A2ML1: variants seen among roughly 807,000 people sequenced by gnomAD.
The protein encoded by A2ML1 is alpha-2-macroglobulin-like protein 1.
Under a neutral mutation model 181.9 loss-of-function variants are expected in A2ML1, and 161 were observed. That is an observed-to-expected ratio of 0.89 (90% CI 0.78 to 1.01). The LOEUF (loss-of-function observed/expected upper bound fraction) is 1.01, where lower values mean the gene tolerates loss of function less well. Ranked by LOEUF, A2ML1 falls within the 50% of genes least tolerant of loss-of-function variation. The probability of loss-of-function intolerance (pLI) is 0.00; values close to 1 mark genes in which losing one functional copy is unlikely to be tolerated. For missense variants in A2ML1, 1,670 were observed against 1,768.1 expected (o/e 0.94, Z 1.00); for synonymous variants, 663 against 666.8 (o/e 0.99, Z 0.09).
chr12:8,864,042 G>A (rs776283981), intron 29 of A2ML1, 34 bp downstream of exon 29: 1 of 1,585,058 alleles, frequency 6.3e-7, no homozygotes, highest in South Asian at 1.1e-5. Flanking sequence ...CCACTTATCA[G>A]GTAGAATTAG....
chr12:8,847,065 G>T (rs1236029142), intron 14 of A2ML1, among the ~76,000 whole-genome samples: 1 of 149,080 alleles, frequency 6.7e-6, no homozygotes, highest in South Asian at 2.1e-4. Flanking sequence ...CTCCCGAGTA[G>T]CTGGGATTAC....
chr12:8,853,662 A>T (rs1943965041), intron 20 of A2ML1, among the ~76,000 whole-genome samples: 2 of 152,152 alleles, frequency 1.3e-5, no homozygotes, highest in Non-Finnish European at 2.9e-5. Flanking sequence ...GCTTTTGGCT[A>T]GGGGCCTCAC....
chr12:8,839,020 C>A, intron 9 of A2ML1, 93 bp from the exon 10 acceptor site: 1 of 804,910 alleles, frequency 1.2e-6, no homozygotes. Context: ...CAACTTCATC[C>A]CTCTGCCACC....
chr12:8,835,588 C>G lies in A2ML1; in HGVS notation c.565C>G (p.Pro189Ala), dbSNP rs780009431. 1.1e-5 allele frequency: 18 copies of G among 1,614,174 alleles called. No homozygotes were observed. Among genetic ancestry groups the G allele is most frequent in the Non-Finnish European group, 1.5e-5 (18 of 1,180,030 alleles). Reference sequence around the variant, plus strand: ...TGTAGACCTGTCCTTCCAACTGGCACCAGAGGCAATGCTGGGCACCTACAC... The same window carrying G: ...TGTAGACCTGTCCTTCCAACTGGCAGCAGAGGCAATGCTGGGCACCTACAC... ...GIVDLSFQLA[P>A]EAMLGTYTVA... The change falls in exon 6 of 36, where the codon CCA becomes GCA. Residue 189 changes from proline to alanine, a missense_variant. Physicochemically the swap from Pro to Ala is conservative, Grantham distance 27. Transcript: ENST00000299698.
chr12:8,850,797 G>C (rs1943862853), intron 18 of A2ML1, among the ~76,000 whole-genome samples: 1 of 152,094 alleles, frequency 6.6e-6, no homozygotes, highest in Non-Finnish European at 1.5e-5. Flanking sequence ...GAGTGCAGTG[G>C]CATGATTTTG....
intron 33 of A2ML1, among the ~76,000 whole-genome samples, chr12:8,870,312 G>C (rs975085157): frequency 7.9e-5 from 12 of 151,930 alleles, no homozygotes; most frequent in Admixed American, 2.0e-4. Context: ...CTGTCACCCA[G>C]GCTGGAGTGC....
intron 18 of A2ML1, among the ~76,000 whole-genome samples, 191 bp from the exon 19 acceptor site, chr12:8,851,593 A>C (rs776966969): frequency 9.2e-5 from 14 of 152,230 alleles, no homozygotes; most frequent in African/African-American, 3.1e-4. Context: ...TTTGGTAGAA[A>C]TAGGGTCTTG....
At chr12:8,829,535 G>A (rs1377993500) in intron 3 of A2ML1, among the ~76,000 whole-genome samples, 192 bp from the exon 4 acceptor site, 2 of 151,884 alleles carry the variant, frequency 1.3e-5, no homozygotes, top group African/African-American at 4.8e-5. Flanking sequence ...CCTGCCTGTG[G>A]TCCCAGCTAC....
At position 8,874,517 on chromosome 12, in the gene A2ML1, C is replaced by G. The variant is rs1944738630; in HGVS notation, c.4314C>G (p.Tyr1438Ter). 1 of 1,613,200 alleles carries G rather than the reference C, an allele frequency of 6.2e-7. No individual in the cohort carries two copies. The highest frequency in any genetic ancestry group is 1.3e-5 in the African/African-American group (1 of 75,012). Residue 1438 changes from tyrosine (Y) to a stop codon, truncating the protein, a stop_gained, in exon 34 of 36, where the codon TAC (tyrosine) becomes TAG (stop). Coordinates refer to ENST00000299698, the MANE Select transcript of A2ML1 (RefSeq NM_144670.6). LOFTEE classifies it high-confidence loss of function. ...CAGCAACCATCAAGGTCTATGACTA[C>G]TACCTACCAGGTGAGAGGGCTGAGC... ...LKPATIKVYD[Y>*]YLPDEQATIQ...
Position 8,876,077 on chromosome 12 carries a change from A to G in A2ML1, c.*21A>G, listed in dbSNP as rs1469530567. 6.4e-5 allele frequency: 6 copies of G among 94,072 alleles called. No individual in the cohort carries two copies. The highest frequency in any genetic ancestry group is 2.2e-4 in the East Asian group (1 of 4,580). 5.8% of individuals were successfully genotyped at this position (94,072 alleles called of 1,614,324 possible). A position where few individuals can be genotyped will look rare whatever the true frequency, so the allele number is the denominator to read the frequency against. On this transcript the variant is annotated 3_prime_UTR_variant, in exon 36 of 36. Transcript: ENST00000299698. ...TTTCAGGATAGGAGCTGGAAACTCA[A>G]TTAGTCCTCTGTGACATTTACTGGA...
intron 3 of A2ML1, 102 bp from the exon 4 acceptor site, chr12:8,829,625 A>AAG: frequency 8.2e-7 from 1 of 1,214,382 alleles, no homozygotes; most frequent in Non-Finnish European, 1.2e-6. Context: ...ACTGCACTCC[A>AAG]ACCTGGGTGA....
intron 7 of A2ML1, among the ~76,000 whole-genome samples, chr12:8,837,004 A>G (rs1296084714): frequency 6.6e-6 from 1 of 152,130 alleles, no homozygotes; most frequent in African/African-American, 2.4e-5. Flanking sequence ...AGCTAGAGAA[A>G]GGTAGGATTG....
intron 3 of A2ML1, among the ~76,000 whole-genome samples, chr12:8,824,237 T>TG (rs1565459038): frequency 4.2e-4 from 63 of 148,732 alleles, no homozygotes; most frequent in African/African-American, 1.5e-3. Context: ...TTTTTTTTTT[T>TG]TTTTTTTTTT....
intron 15 of A2ML1, 21 bp from the exon 16 acceptor site, chr12:8,848,699 C>T (rs1281420615): frequency 1.3e-6 from 2 of 1,569,318 alleles, no homozygotes; most frequent in Non-Finnish European, 1.7e-6. Flanking sequence ...TGCTTTATTT[C>T]CTCTCCCCCT....
chr12:8,880,232 G>A (rs1490714949), downstream of A2ML1, among the ~76,000 whole-genome samples: 2 of 152,198 alleles, frequency 1.3e-5, no homozygotes, highest in East Asian at 3.8e-4. Context: ...CGAGTGTGGT[G>A]GCAGGTGCCT....
At chr12:8,845,855 A>G (rs370540359) in intron 13 of A2ML1, among the ~76,000 whole-genome samples, 1 of 75,012 alleles carries the variant, frequency 1.3e-5, no homozygotes, top group African/African-American at 6.3e-5. Context: ...GTCTCAAAAA[A>G]AAAAAAAAAT....
In A2ML1 at chr12:8,867,864, C is replaced by T. The variant is rs780540588; in HGVS notation, c.3740C>T (p.Ala1247Val). Residue 1247 changes from alanine to valine, a missense_variant, in exon 30 of 36, where the codon GCT becomes GTT. Physicochemically the swap from Ala to Val is moderately conservative, Grantham distance 64. Transcript: ENST00000299698. Reference protein sequence around the residue: ...STQDTVVALQALAKYATTAYM... With the variant: ...STQDTVVALQVLAKYATTAYM... ...CAGGATACTGTAGTTGCTCTCCAAGCTCTTGCCAAATATGCCACTACCGCC... is the reference window on the plus strand; with the variant it reads ...CAGGATACTGTAGTTGCTCTCCAAGTTCTTGCCAAATATGCCACTACCGCC... 1.2e-6 allele frequency: 2 copies of T among 1,614,234 alleles called. No individual in the cohort carries two copies. The highest frequency in any genetic ancestry group is 1.7e-6 in the Non-Finnish European group (2 of 1,180,032).
chr12:8,859,971 G>C (rs1364607236), intron 26 of A2ML1, among the ~76,000 whole-genome samples: 1 of 152,096 alleles, frequency 6.6e-6, no homozygotes, highest in Non-Finnish European at 1.5e-5. Context: ...AAATGTCCTG[G>C]GTTCAAATTC....
chr12:8,841,615 T>C lies in A2ML1; in HGVS notation c.1248+79T>C, dbSNP rs563752018. 1,262 of 1,455,750 alleles carry C rather than the reference T, an allele frequency of 8.7e-4. 4 individuals carry two copies. The highest frequency in any genetic ancestry group is 1.1e-3 in the Non-Finnish European group (1,224 of 1,072,366). 90.2% of individuals were successfully genotyped at this position (1,455,750 alleles called of 1,614,324 possible). On this transcript the variant is annotated intron_variant, in intron 11 of 35. Transcript: ENST00000299698. ...AACTTCAGAATTTTCCTGTTTCCTA[T>C]TCTCCCCTCTGCTTGGAATTACATC...
Sources: gnomAD v4.1 joint callset for allele counts (sites outside exome capture counted in the v4.1 genomes callset) on GRCh38, gnomAD v4.1.1 for gene constraint, MANE v1.5 for transcripts, NCBI Gene and HGNC (gene_info 2026-07-23, HGNC 2026-07-21) for gene names.